GJA1: variants seen among roughly 807,000 people sequenced by gnomAD.
The protein encoded by GJA1 is gap junction protein alpha 1.
Under a neutral mutation model 31.0 loss-of-function variants are expected in GJA1, and 9 were observed. That is an observed-to-expected ratio of 0.29 (90% CI 0.17 to 0.51). The LOEUF (loss-of-function observed/expected upper bound fraction) is 0.51. Among genes scored for constraint, GJA1 ranks in the 20% least tolerant of loss-of-function variants. The probability of loss-of-function intolerance (pLI) is 0.98; values close to 1 mark genes in which losing one functional copy is unlikely to be tolerated. For synonymous variants in GJA1, 186 were observed against 180.1 expected (o/e 1.03, Z -0.26); for missense variants, 278 against 468.8 (o/e 0.59, Z 3.76).
At chr6:121,437,128 G>C (rs1773679658) in intron 1 of GJA1, among the ~76,000 whole-genome samples, 1 of 152,176 alleles carries the variant, frequency 6.6e-6, no homozygotes, top group Admixed American at 6.5e-5. Flanking sequence ...GCGTCTGCCG[G>C]GATCCTTCCC....
At position 121,448,882 on chromosome 6, in the gene GJA1, CACAA is replaced by C. The variant is rs1402938018; in HGVS notation, c.*890_*893del. 4 of 166,874 alleles carry C rather than the reference CACAA, an allele frequency of 2.4e-5. No individual in the cohort carries two copies. The highest frequency in any genetic ancestry group is 2.1e-4 in the South Asian group (1 of 4,832). The allele number at this position is 166,874 out of a possible 1,614,324, so 10.3% of individuals were successfully genotyped here. A position where few individuals can be genotyped will look rare whatever the true frequency, so the allele number is the denominator to read the frequency against. ...GGTACAAGCAGATACAGTATAAACT[CACAA>C]ACACAGATTTGAAAATAATGCACAT... On this transcript the variant is annotated 3_prime_UTR_variant, in exon 2 of 2. Transcript: ENST00000282561.
In GJA1 at chr6:121,447,840, T is replaced by C. The variant is rs776458200; in HGVS notation, c.993T>C (p.His331=). ...CGGGAAGCACCATCTCTAACTCCCATGCACAGCCTTTTGATTTCCCCGATG... is the reference window on the plus strand; with the variant it reads ...CGGGAAGCACCATCTCTAACTCCCACGCACAGCCTTTTGATTTCCCCGATG... ...GQAGSTISNS[H]AQPFDFPDDN... Residue 331 remains histidine (H), a synonymous_variant, in exon 2 of 2, where the codon CAT becomes CAC. Transcript: ENST00000282561. 5.6e-6 allele frequency: 9 copies of C among 1,613,782 alleles called. No homozygotes were observed. Among genetic ancestry groups the C allele is most frequent in the South Asian group, 2.2e-5 (2 of 91,082 alleles).
intron 1 of GJA1, among the ~76,000 whole-genome samples, chr6:121,444,792 T>C (rs941856989): frequency 2.6e-5 from 4 of 152,238 alleles, no homozygotes; most frequent in Non-Finnish European, 5.9e-5. Context: ...TTGACTAATT[T>C]GTCCTTTTCT....
chr6:121,448,171 G>A lies in GJA1; in HGVS notation c.*175G>A. 1 of 676,600 alleles carries A rather than the reference G, an allele frequency of 1.5e-6. No homozygotes were observed. The highest frequency in any genetic ancestry group is 1.7e-5 in the South Asian group (1 of 59,860). The allele number at this position is 676,600 out of a possible 1,614,324, so 41.9% of individuals were successfully genotyped here. On this transcript the variant is annotated 3_prime_UTR_variant, in exon 2 of 2. Coordinates refer to ENST00000282561, the MANE Select transcript of GJA1 (RefSeq NM_000165.5). The stretch of plus-strand genomic sequence containing the variant: ...ACCTAGGTTCACTGGGGGTGTATGG[G>A]GTAGATGGGTGGAGAGGGAGGGGAT...
intron 1 of GJA1, among the ~76,000 whole-genome samples, chr6:121,441,047 A>G (rs1312428148): frequency 1.3e-5 from 2 of 151,830 alleles, no homozygotes; most frequent in Non-Finnish European, 2.9e-5. Context: ...GGTTCACGCC[A>G]TTCTCCTGCC....
rs1404944599 is a variant in GJA1, at chr6:121,440,631, C to A, written c.-17+4799C>A. 1.1e-3 allele frequency among the ~76,000 whole-genome samples: 165 copies of A among 146,178 alleles called. 1 individual carries two copies. Among genetic ancestry groups the A allele is most frequent in the African/African-American group, 4.0e-3 (154 of 38,736 alleles). ...TACAATTAAGAGAATCCCAAAGAGA[C>A]AGAAAAAAACAAACTTTTTTTTTTT... is the stretch of plus-strand genomic sequence containing the variant. On this transcript the variant is annotated intron_variant, in intron 1 of 1. Transcript: ENST00000282561.
At chr6:121,444,008 G>A (rs1386714428) in intron 1 of GJA1, among the ~76,000 whole-genome samples, 2 of 152,078 alleles carry the variant, frequency 1.3e-5, no homozygotes, top group East Asian at 3.9e-4. Context: ...GATTCTGTTT[G>A]TCTGACCCTC....
intron 1 of GJA1, among the ~76,000 whole-genome samples, chr6:121,436,607 C>A (rs536557249): frequency 6.6e-6 from 1 of 152,116 alleles, no homozygotes; most frequent in South Asian, 2.1e-4. Context: ...TGGGTGGTGG[C>A]TAGTTACAGA....
At position 121,447,177 on chromosome 6, in the gene GJA1, G is replaced by A. The variant is rs747274742; in HGVS notation, c.330G>A (p.Glu110=). 16 of 1,613,846 alleles carry A rather than the reference G, an allele frequency of 9.9e-6. No individual in the cohort carries two copies. In the East Asian group the frequency reaches 2.5e-4, roughly 25 times the overall value. Reference sequence around the variant, plus strand: ...AGGAAGAGAAACTGAACAAGAAAGAGGAAGAACTCAAGGTTGCCCAAACTG... The same window carrying A: ...AGGAAGAGAAACTGAACAAGAAAGAAGAAGAACTCAAGGTTGCCCAAACTG... The part of the protein sequence containing the change: ...MRKEEKLNKK[E]EELKVAQTDG... The change falls in exon 2 of 2, where the codon GAG becomes GAA. Residue 110 remains glutamate (E), a synonymous_variant. Transcript: ENST00000282561.
intron 1 of GJA1, among the ~76,000 whole-genome samples, chr6:121,441,738 T>C (rs1773795325): frequency 6.6e-6 from 1 of 152,034 alleles, no homozygotes; most frequent in Non-Finnish European, 1.5e-5. Flanking sequence ...TTTCTCAAGA[T>C]TGACTGATTA....
intron 1 of GJA1, among the ~76,000 whole-genome samples, chr6:121,446,209 C>T (rs1243059689): frequency 1.3e-5 from 2 of 151,906 alleles, no homozygotes; most frequent in African/African-American, 2.4e-5. Flanking sequence ...GCAGGAGAAT[C>T]GCTGGAACCT....
rs1297838890 is a variant in GJA1 at position 121,449,499 on chromosome 6, A to T, written c.*1503A>T. ...AGTTTCTCCAAATGCCTTTTTTAAA[A>T]CTCATCACAGAAGATTGGTGAAAAT... On this transcript the variant is annotated 3_prime_UTR_variant, in exon 2 of 2. Transcript: ENST00000282561. The T allele has an allele frequency of 6.0e-6, 1 of 166,962 alleles. No individual in the cohort carries two copies. Among genetic ancestry groups the T allele is most frequent in the East Asian group, 1.9e-4 (1 of 5,194 alleles). The allele number at this position is 166,962 out of a possible 1,614,324, so 10.3% of individuals were successfully genotyped here.
rs1417485120 is a variant in GJA1 at position 121,448,704 on chromosome 6, C to T, written c.*708C>T. Reference sequence around the variant, plus strand: ...TTCATCATTCCTCAGCTACTACTCACATTCATTTAATGGTTTCTGTAAACA... The same window carrying T: ...TTCATCATTCCTCAGCTACTACTCATATTCATTTAATGGTTTCTGTAAACA... On this transcript the variant is annotated 3_prime_UTR_variant, in exon 2 of 2. Transcript: ENST00000282561. The T allele has an allele frequency of 1.2e-5, 2 of 167,206 alleles. No homozygotes were observed. Among genetic ancestry groups the T allele is most frequent in the Admixed American group, 6.5e-5 (1 of 15,306 alleles). The allele number at this position is 167,206 out of a possible 1,614,324, so 10.4% of individuals were successfully genotyped here.
intron 1 of GJA1, 141 bp from the exon 2 acceptor site, chr6:121,446,691 T>G (rs1773894685): frequency 1.4e-6 from 1 of 714,546 alleles, no homozygotes; most frequent in African/African-American, 1.7e-5. Context: ...ACAGGAAGAG[T>G]TTGCACTTGG....
In GJA1 at chr6:121,447,955, C is replaced by T. The variant is rs994770541; in HGVS notation, c.1108C>T (p.Arg370Cys). ...DQRPSSRASS[R>C]ASSRPRPDDL... ...GCGACCTTCAAGCAGAGCCAGCAGT[C>T]GTGCCAGCAGCAGACCTCGGCCTGA... Residue 370 changes from arginine (R) to cysteine (C), a missense_variant, in exon 2 of 2, where the codon CGT becomes TGT. Coordinates refer to ENST00000282561, the MANE Select transcript of GJA1 (RefSeq NM_000165.5). The T allele has an allele frequency of 1.1e-5, 18 of 1,613,706 alleles. No individual in the cohort carries two copies. Among genetic ancestry groups the T allele is most frequent in the Admixed American group, 1.7e-5 (1 of 59,986 alleles).
intron 1 of GJA1, among the ~76,000 whole-genome samples, chr6:121,442,108 C>T (rs1372953538): frequency 6.6e-6 from 1 of 152,126 alleles, no homozygotes; most frequent in African/African-American, 2.4e-5. Flanking sequence ...TAAAGTCCTT[C>T]ACCTTCTCTT....
At chr6:121,442,769 G>A (rs1326741658) in intron 1 of GJA1, among the ~76,000 whole-genome samples, 4 of 152,182 alleles carry the variant, frequency 2.6e-5, no homozygotes, top group African/African-American at 9.7e-5. Context: ...GCCTCAGGCT[G>A]GTCACACTTA....
intron 1 of GJA1, among the ~76,000 whole-genome samples, chr6:121,441,181 T>G (rs956226493): frequency 4.6e-5 from 7 of 152,130 alleles, no homozygotes; most frequent in Admixed American, 3.3e-4. Context: ...CTCTATCTCC[T>G]AACCTCGTGA....
intron 1 of GJA1, among the ~76,000 whole-genome samples, chr6:121,438,787 C>T (rs955354667): frequency 6.6e-6 from 1 of 152,120 alleles, no homozygotes; most frequent in African/African-American, 2.4e-5. Flanking sequence ...GCATCTCTTC[C>T]ATGGGAGATT....
Sources: gnomAD v4.1 joint callset for allele counts (sites outside exome capture counted in the v4.1 genomes callset) on GRCh38, gnomAD v4.1.1 for gene constraint, MANE v1.5 for transcripts, NCBI Gene and HGNC (gene_info 2026-07-23, HGNC 2026-07-21) for gene names.